APBB1IP: variants seen among roughly 807,000 people sequenced by gnomAD.
The protein encoded by APBB1IP is amyloid beta precursor protein binding family B member 1 interacting protein, also known as amyloid beta A4 precursor protein-binding family B member 1-interacting protein.
A neutral mutation model predicts 64.9 loss-of-function variants in APBB1IP; 27 were observed. The observed-to-expected ratio is 0.42, with a 90% CI of 0.31 to 0.57. APBB1IP has a LOEUF of 0.57. APBB1IP is among the 20% of genes least tolerant of loss of function. The probability of loss-of-function intolerance (pLI) is 0.20; values close to 1 mark genes in which losing one functional copy is unlikely to be tolerated. For missense variants in APBB1IP, 812 were observed against 845.5 expected (o/e 0.96, Z 0.49); for synonymous variants, 392 against 331.0 (o/e 1.18, Z -2.00).
chr10:26,550,867 C>G (rs1181703870), intron 11 of APBB1IP, among the ~76,000 whole-genome samples: 2 of 152,126 alleles, frequency 1.3e-5, no homozygotes, highest in African/African-American at 4.8e-5. Flanking sequence ...TATGACCGTT[C>G]TTTTTTAGTG....
intron 2 of APBB1IP, among the ~76,000 whole-genome samples, chr10:26,479,994 C>T (rs760217497): frequency 4.6e-5 from 7 of 152,196 alleles, no homozygotes; most frequent in Non-Finnish European, 7.3e-5. Context: ...AAGGCCCAGG[C>T]GACAGCTGGA....
chr10:26,567,349 C>T lies in APBB1IP; in HGVS notation c.1862C>T (p.Pro621Leu), dbSNP rs1297521191. The T allele has an allele frequency of 4.8e-6, 7 of 1,461,462 alleles. No homozygotes were observed. Among genetic ancestry groups the T allele is most frequent in the Non-Finnish European group, 6.4e-6 (7 of 1,093,738 alleles). The allele number at this position is 1,461,462 out of a possible 1,614,324, so 90.5% of individuals were successfully genotyped here. The change falls in exon 15 of 15, where the codon CCC (proline) becomes CTC (leucine). Residue 621 changes from proline (P) to leucine (L), a missense_variant. Physicochemically the swap from Pro to Leu is moderately conservative, Grantham distance 98. Around this residue, in one of 3 missense-constraint regions of APBB1IP, gnomAD observed 381 missense variants for 352.1 expected, o/e 1.08. Transcript: ENST00000376236. Reference sequence around the variant, plus strand: ...GTCCCCGACTCCGCCAGGCCGCCCCCCGCGGTGGCCAAGAGGCCTCCTGTG... The same window carrying T: ...GTCCCCGACTCCGCCAGGCCGCCCCTCGCGGTGGCCAAGAGGCCTCCTGTG... The part of the protein sequence containing the change: ...APVPDSARPP[P>L]AVAKRPPVPP...
chr10:26,500,750 A>T, intron 4 of APBB1IP, 69 bp from the exon 5 acceptor site: 1 of 1,440,940 alleles, frequency 6.9e-7, no homozygotes, highest in Non-Finnish European at 9.4e-7. Context: ...TATGCTTAAA[A>T]ATTATCTTCT....
intron 2 of APBB1IP, among the ~76,000 whole-genome samples, chr10:26,477,763 A>C (rs1212792123): frequency 1.3e-5 from 2 of 152,074 alleles, no homozygotes; most frequent in African/African-American, 4.8e-5. Context: ...TCAAGGTCTC[A>C]CTCTGTCACC....
At position 26,461,784 on chromosome 10, in the gene APBB1IP, T is replaced by C. The variant is rs540697758; in HGVS notation, c.-1+22931T>C. 5.9e-5 allele frequency among the ~76,000 whole-genome samples: 9 copies of C among 152,294 alleles called. No homozygotes were observed. The South Asian group carries it at 1.7e-3, about 28-fold the overall frequency. On this transcript the variant is annotated intron_variant, in intron 2 of 14. Coordinates refer to ENST00000376236, the MANE Select transcript of APBB1IP (RefSeq NM_019043.4). ...GTTTTATTATTTTTTCTATCTTGAA[T>C]TGACAAATTGCTTATTATTTATCTC...
At chr10:26,538,858 TCTC>T (rs971683733) in intron 10 of APBB1IP, among the ~76,000 whole-genome samples, 1 of 152,050 alleles carries the variant, frequency 6.6e-6, no homozygotes, top group African/African-American at 2.4e-5. Context: ...TCAAGGTAGA[TCTC>T]CTGCTGTGCC....
chr10:26,495,661 C>G (rs1428804055), intron 3 of APBB1IP, among the ~76,000 whole-genome samples: 1 of 144,112 alleles, frequency 6.9e-6, no homozygotes, highest in African/African-American at 2.8e-5. Context: ...TCTCTTGGAC[C>G]TGCCTTCACA....
chr10:26,462,633 T>G (rs867724860), intron 2 of APBB1IP, among the ~76,000 whole-genome samples: 4 of 152,206 alleles, frequency 2.6e-5, no homozygotes, highest in African/African-American at 9.7e-5. Context: ...TTTGAAAATT[T>G]TGTTTGGGAT....
intron 6 of APBB1IP, among the ~76,000 whole-genome samples, chr10:26,506,255 G>A (rs1005613595): frequency 2.8e-5 from 4 of 143,304 alleles, no homozygotes; most frequent in African/African-American, 1.0e-4. Context: ...GTGTGTGGGG[G>A]GGGGGGGTGG....
chr10:26,566,923 T>C (rs1468998704), intron 14 of APBB1IP, 38 bp from the exon 15 acceptor site: 4 of 1,523,822 alleles, frequency 2.6e-6, no homozygotes, highest in Non-Finnish European at 3.5e-6. Context: ...ATTTCAAAAA[T>C]TAAAAAAAAA....
chr10:26,504,720 AT>A (rs1169652826), intron 6 of APBB1IP, among the ~76,000 whole-genome samples: 1 of 151,610 alleles, frequency 6.6e-6, no homozygotes, highest in Non-Finnish European at 1.5e-5. Context: ...AAAAAAAAAA[AT>A]TAAAAAAAAA....
chr10:26,441,382 C>G (rs888191098), intron 2 of APBB1IP, among the ~76,000 whole-genome samples: 1 of 152,112 alleles, frequency 6.6e-6, no homozygotes, highest in Non-Finnish European at 1.5e-5. Flanking sequence ...AAAGAGAGAA[C>G]TAGCCGCATG....
At chr10:26,551,565 G>A (rs1836831173) in intron 11 of APBB1IP, among the ~76,000 whole-genome samples, 1 of 152,140 alleles carries the variant, frequency 6.6e-6, no homozygotes, top group African/African-American at 2.4e-5. Flanking sequence ...AGATGCAATG[G>A]GGCAGAAGTA....
rs375008428 is a variant in APBB1IP at position 26,552,028 on chromosome 10, G to T, written c.1156-8077G>T. On this transcript the variant is annotated intron_variant, in intron 11 of 14. Transcript: ENST00000376236. ...CAAAACATGGTTCAGGGCAGGCACAGTGGCTCATGCCTGTAATCCCAGCAC... is the reference window on the plus strand; with the variant it reads ...CAAAACATGGTTCAGGGCAGGCACATTGGCTCATGCCTGTAATCCCAGCAC... Among the ~76,000 whole-genome samples, 44 of 152,318 alleles carry T rather than the reference G, an allele frequency of 2.9e-4. 1 individual carries two copies. The South Asian group carries it at 7.4e-3, about 26-fold the overall frequency.
intron 8 of APBB1IP, among the ~76,000 whole-genome samples, chr10:26,521,657 G>A (rs141857491): frequency 4.6e-5 from 7 of 152,242 alleles, no homozygotes; most frequent in African/African-American, 9.6e-5. Context: ...CTGTGCTTGC[G>A]TAACCCTAGA....
chr10:26,560,428 G>A (rs1238774133), intron 12 of APBB1IP, among the ~76,000 whole-genome samples: 4 of 152,138 alleles, frequency 2.6e-5, no homozygotes, highest in Non-Finnish European at 4.4e-5. Context: ...CAAGCTTAGT[G>A]TGCAATTAAA....
intron 2 of APBB1IP, among the ~76,000 whole-genome samples, chr10:26,490,377 C>A (rs1835939967): frequency 6.6e-6 from 1 of 152,168 alleles, no homozygotes. Flanking sequence ...GTAATCCCAG[C>A]ATTTTGGGAA....
At chr10:26,533,925 A>G (rs10829019) in intron 9 of APBB1IP, among the ~76,000 whole-genome samples, 36,947 of 151,956 alleles carry the variant, frequency 0.24, 5,155 homozygotes, top group Middle Eastern at 0.33. Context: ...GACCCGTTAC[A>G]GGAGGCGGCT....
intron 7 of APBB1IP, among the ~76,000 whole-genome samples, 182 bp from the exon 8 acceptor site, chr10:26,513,357 C>T (rs1364184320): frequency 1.3e-5 from 2 of 152,134 alleles, no homozygotes; most frequent in African/African-American, 2.4e-5. Flanking sequence ...TGGAAGATAA[C>T]TTGAAGACAA....
Sources: allele counts gnomAD v4.1 joint callset (sites outside exome capture counted in the v4.1 genomes callset), GRCh38; gene constraint gnomAD v4.1.1; regional missense constraint gnomAD v4.1.1; transcripts MANE v1.5; gene names NCBI Gene and HGNC (gene_info 2026-07-23, HGNC 2026-07-21).